FAM171A1: variants seen among roughly 807,000 people sequenced by gnomAD.
The protein encoded by FAM171A1 is protein FAM171A1.
In FAM171A1, 23 loss-of-function variants were observed where a neutral mutation model predicts 74.9. That is an observed-to-expected ratio of 0.31 (90% CI 0.22 to 0.44). The LOEUF is 0.44. FAM171A1 is among the 20% of genes least tolerant of loss of function. FAM171A1 has a pLI of 1.00. For synonymous variants in FAM171A1, 527 were observed against 505.7 expected, an observed-to-expected ratio of 1.04 and a Z score of -0.57; for missense variants, 1,162 against 1,159.2, an observed-to-expected ratio of 1.00 and a Z score of -0.03.
At chr10:15,285,937 G>A (rs550896318) in intron 1 of FAM171A1, among the ~76,000 whole-genome samples, 2 of 152,224 alleles carry the variant, frequency 1.3e-5, no homozygotes, top group South Asian at 4.1e-4. Context: ...CTGGGGTTCT[G>A]CAATTCTCAC....
At position 15,339,736 on chromosome 10, in the gene FAM171A1, C is replaced by T. The variant is rs114567448; in HGVS notation, c.97+31220G>A. Among the ~76,000 whole-genome samples, 324 of 152,266 alleles carry T rather than the reference C, an allele frequency of 2.1e-3. 1 individual carries two copies. Among genetic ancestry groups the T allele is most frequent in the African/African-American group, 7.5e-3 (312 of 41,546 alleles). ...GAAGGCTACACTTAATGGGGGAAGA[C>T]TTATGCTCCCTGTATTCGTCTGCCT... On this transcript the variant is annotated intron_variant, in intron 1 of 7. Coordinates refer to ENST00000378116, the MANE Select transcript of FAM171A1 (RefSeq NM_001010924.2).
intron 4 of FAM171A1, among the ~76,000 whole-genome samples, chr10:15,253,004 G>GT (rs1834529499): frequency 2.6e-5 from 4 of 151,980 alleles, no homozygotes; most frequent in South Asian, 2.1e-4. Context: ...TTAAAACTTT[G>GT]TTTTTTTGTT....
intron 1 of FAM171A1, among the ~76,000 whole-genome samples, chr10:15,314,886 G>T (rs907607518): frequency 6.6e-6 from 1 of 152,240 alleles, no homozygotes; most frequent in African/African-American, 2.4e-5. Context: ...CAGCCGCGGG[G>T]AGGAGGCTGG....
At chr10:15,287,833 C>A (rs558523389) in intron 1 of FAM171A1, among the ~76,000 whole-genome samples, 4 of 151,916 alleles carry the variant, frequency 2.6e-5, no homozygotes, top group Non-Finnish European at 5.9e-5. Flanking sequence ...AGTTCTTTAG[C>A]GGTGATTTCT....
At chr10:15,352,547 C>A (rs558842864) in intron 1 of FAM171A1, among the ~76,000 whole-genome samples, 1 of 152,300 alleles carries the variant, frequency 6.6e-6, no homozygotes, top group East Asian at 1.9e-4. Flanking sequence ...CGGCATCTAA[C>A]AGATTTCCAT....
intron 3 of FAM171A1, among the ~76,000 whole-genome samples, chr10:15,259,501 C>T (rs1446772957): frequency 2.0e-5 from 3 of 152,170 alleles, no homozygotes; most frequent in Non-Finnish European, 4.4e-5. Context: ...ACTACAACTG[C>T]ACCTCTTCTC....
chr10:15,221,575 G>A (rs1834040088), intron 5 of FAM171A1, among the ~76,000 whole-genome samples: 1 of 152,212 alleles, frequency 6.6e-6, no homozygotes, highest in African/African-American at 2.4e-5. Flanking sequence ...TGGCTTCAGT[G>A]AGCATTTTTA....
chr10:15,346,902 T>C (rs1835822650), intron 1 of FAM171A1, among the ~76,000 whole-genome samples: 1 of 152,112 alleles, frequency 6.6e-6, no homozygotes, highest in African/African-American at 2.4e-5. Context: ...GCTTTAGCAG[T>C]GCCCGAGCCA....
intron 1 of FAM171A1, among the ~76,000 whole-genome samples, chr10:15,337,738 C>A (rs1051653637): frequency 6.6e-6 from 1 of 152,176 alleles, no homozygotes; most frequent in East Asian, 1.9e-4. Context: ...CACTTGAGAT[C>A]GGGAATTTGA....
chr10:15,275,965 G>T lies in FAM171A1; in HGVS notation c.326-18C>A, dbSNP rs748256997. ...GGAAAATACTGCAGGAAAAAGAAATGGATAGAAGGGGATTTTAATAGTCAT... is the reference window on the plus strand; with the variant it reads ...GGAAAATACTGCAGGAAAAAGAAATTGATAGAAGGGGATTTTAATAGTCAT... On this transcript the variant is annotated intron_variant, in intron 2 of 7. Transcript: ENST00000378116. 13 of 1,563,596 alleles carry T rather than the reference G, an allele frequency of 8.3e-6. No individual in the cohort carries two copies. The highest frequency in any genetic ancestry group is 1.1e-5 in the Non-Finnish European group (13 of 1,142,366).
At chr10:15,310,247 T>A (rs10752364) in intron 1 of FAM171A1, among the ~76,000 whole-genome samples, 48,701 of 152,106 alleles carry the variant, frequency 0.32, 9,336 homozygotes, top group East Asian at 0.78. Flanking sequence ...CTAAACAGCA[T>A]CTTTTTTATG....
chr10:15,352,161 C>T (rs550956476), intron 1 of FAM171A1, among the ~76,000 whole-genome samples: 30 of 151,824 alleles, frequency 2.0e-4, no homozygotes, highest in African/African-American at 7.2e-4. Context: ...ATTGTTTGAA[C>T]CTGGGAGGTG....
intron 3 of FAM171A1, among the ~76,000 whole-genome samples, chr10:15,268,298 A>T (rs1467708717): frequency 6.6e-6 from 1 of 152,086 alleles, no homozygotes; most frequent in East Asian, 1.9e-4. Flanking sequence ...GTTTGGCAAG[A>T]GTGAAATGGG....
chr10:15,332,778 A>C (rs1835655727), intron 1 of FAM171A1, among the ~76,000 whole-genome samples: 1 of 152,206 alleles, frequency 6.6e-6, no homozygotes, highest in African/African-American at 2.4e-5. Flanking sequence ...CCAGAATTGA[A>C]CTGAGAAATG....
chr10:15,245,775 G>A (rs1208272654), intron 5 of FAM171A1, among the ~76,000 whole-genome samples: 1 of 152,214 alleles, frequency 6.6e-6, no homozygotes, highest in Non-Finnish European at 1.5e-5. Context: ...AGGGCTACAG[G>A]GGACAGGCAG....
intron 1 of FAM171A1, among the ~76,000 whole-genome samples, chr10:15,318,387 C>T (rs1835447682): frequency 6.6e-6 from 1 of 152,220 alleles, no homozygotes; most frequent in African/African-American, 2.4e-5. Flanking sequence ...CCCAGTGCTG[C>T]ACCAAGAAGG....
intron 1 of FAM171A1, among the ~76,000 whole-genome samples, chr10:15,312,550 G>A (rs1330256871): frequency 2.0e-5 from 3 of 151,628 alleles, no homozygotes; most frequent in South Asian, 2.1e-4. Flanking sequence ...ATACCCCCAG[G>A]GCTGTGCAGC....
intron 5 of FAM171A1, among the ~76,000 whole-genome samples, chr10:15,226,532 G>T (rs1022157813): frequency 2.6e-5 from 4 of 152,122 alleles, no homozygotes; most frequent in Non-Finnish European, 5.9e-5. Context: ...CCATCCCCAG[G>T]ACACCTCCTG....
rs563184126 is a variant in FAM171A1, at chr10:15,225,822, C to T, written c.755-4762G>A. 4.6e-5 allele frequency among the ~76,000 whole-genome samples: 7 copies of T among 152,320 alleles called. No homozygotes were observed. In the East Asian group the frequency reaches 1.4e-3, roughly 29 times the overall value. ...CAAAGAAAGCTCCACTGCAAGGCCT[C>T]TCAAGTCGGCCCACCTGCCCCTAAG... On this transcript the variant is annotated intron_variant, in intron 5 of 7. Coordinates refer to ENST00000378116, the MANE Select transcript of FAM171A1 (RefSeq NM_001010924.2).
Sources: allele counts gnomAD v4.1 joint callset (sites outside exome capture counted in the v4.1 genomes callset), GRCh38; gene constraint gnomAD v4.1.1; transcripts MANE v1.5; gene names NCBI Gene and HGNC (gene_info 2026-07-23, HGNC 2026-07-21).